ADGRG1: variants seen among roughly 807,000 people sequenced by gnomAD.
ADGRG1 encodes the protein 7-transmembrane protein with no EGF-like N-terminal domains-1.
In ADGRG1, 53 loss-of-function variants were observed where a neutral mutation model predicts 73.5. The ratio of observed to expected loss-of-function variants is 0.72; its 90% confidence interval spans 0.58 to 0.91. ADGRG1 has a LOEUF of 0.91. Ranked by LOEUF, ADGRG1 falls within the 40% of genes least tolerant of loss-of-function variation. The pLI, the probability that ADGRG1 is intolerant of heterozygous loss-of-function variation, is 0.00. For synonymous variants in ADGRG1, 394 were observed against 374.4 expected (o/e 1.05, Z -0.60); for missense variants, 795 against 871.8 (o/e 0.91, Z 1.11).
At chr16:57,655,697 A>G (rs2045540872) in intron 6 of ADGRG1, 167 bp downstream of exon 6, 1 of 985,242 alleles carries the variant, frequency 1.0e-6, no homozygotes, top group African/African-American at 1.7e-5. Flanking sequence ...GGGCTAAGCA[A>G]TGTTCTTCTT....
In ADGRG1 at chr16:57,663,433, G is replaced by A. The variant is rs200654268; in HGVS notation, c.1934-19G>A. On this transcript the variant is annotated intron_variant, in intron 13 of 13. Transcript: ENST00000562631. ...TGGGGCTCCCCCACCTGCTGACCCC[G>A]TGCCCTCACTGCCCGCAGGCTTCCT... 2,193 of 1,613,610 alleles carry A rather than the reference G, an allele frequency of 1.4e-3. 5 individuals are homozygous for A. Among genetic ancestry groups the A allele is most frequent in the Middle Eastern group, 2.6e-3 (16 of 6,038 alleles).
intron 1 of ADGRG1, among the ~76,000 whole-genome samples, chr16:57,644,536 C>T (rs1412463681): frequency 5.2e-5 from 7 of 135,044 alleles, no homozygotes; most frequent in Non-Finnish European, 9.3e-5. Flanking sequence ...CACACACATG[C>T]GCAGGCACAC....
At chr16:57,633,150 T>A (rs2038442133) in intron 1 of ADGRG1, 1 of 351,706 alleles carries the variant, frequency 2.8e-6, no homozygotes, top group East Asian at 1.7e-4. Context: ...TTTCCCTGCC[T>A]GTAAATGGAG....
Position 57,645,198 on chromosome 16 carries a change from G to C in ADGRG1, c.-35-5055G>C, listed in dbSNP as rs557881591. ...CCCAGCAGCCCACAGGAGAGCAGCT[G>C]CGGACGGGAGGGGAGCTAGGGCAGT... On this transcript the variant is annotated intron_variant, in intron 1 of 13. Transcript: ENST00000562631. 2.2e-5 allele frequency: 22 copies of C among 985,476 alleles called. No individual in the cohort carries two copies. In the African/African-American group the frequency reaches 3.3e-4, roughly 15 times the overall value. The allele number at this position is 985,476 out of a possible 1,614,324, so 61.0% of individuals were successfully genotyped here.
intron 1 of ADGRG1, chr16:57,635,220 G>A: frequency 1.0e-6 from 1 of 985,360 alleles, no homozygotes; most frequent in Non-Finnish European, 1.2e-6. Context: ...CTAGAGCCAT[G>A]GGCAGTGGGC....
At chr16:57,656,091 T>C in intron 7 of ADGRG1, 99 bp downstream of exon 7, 2 of 1,613,376 alleles carry the variant, frequency 1.2e-6, no homozygotes, top group Non-Finnish European at 1.7e-6. Flanking sequence ...AATGAAACGA[T>C]TGCCTGATCG....
At position 57,631,685 on chromosome 16, in the gene ADGRG1, TGGG is replaced by T. The variant is rs1220750442; in HGVS notation, c.-36+2887_-36+2889del. 8.7e-6 allele frequency: 8 copies of T among 916,946 alleles called. No homozygotes were observed. In the South Asian group the frequency reaches 2.6e-4, roughly 30 times the overall value. The allele number at this position is 916,946 out of a possible 1,614,324, so 56.8% of individuals were successfully genotyped here. A position where few individuals can be genotyped will look rare whatever the true frequency, so the allele number is the denominator to read the frequency against. On this transcript the variant is annotated intron_variant, in intron 1 of 13. Coordinates refer to ENST00000562631, the MANE Select transcript of ADGRG1 (RefSeq NM_201525.4). ...ACACAGCAACTGGGCAGATGGCAAATGGGGGGCGGGGCGGGCTGGCACAAAGGG... is the reference window on the plus strand; with the variant it reads ...ACACAGCAACTGGGCAGATGGCAAATGGGCGGGGCGGGCTGGCACAAAGGG...
chr16:57,632,312 C>T (rs751421348), intron 1 of ADGRG1: 17 of 985,408 alleles, frequency 1.7e-5, no homozygotes, highest in Non-Finnish European at 2.0e-5. Flanking sequence ...GTGGCTTGCC[C>T]AGGGAGAATC....
intron 1 of ADGRG1, chr16:57,644,971 G>C: frequency 1.5e-6 from 1 of 645,176 alleles, no homozygotes; most frequent in Non-Finnish European, 1.9e-6. Flanking sequence ...CTCATGCATG[G>C]GCACACACCC....
chr16:57,659,751 G>T, intron 11 of ADGRG1, 70 bp downstream of exon 11: 1 of 1,535,892 alleles, frequency 6.5e-7, no homozygotes, highest in Non-Finnish European at 9.0e-7. Context: ...CCAGGCACCT[G>T]GTTCTGCCTC....
chr16:57,660,255 G>A lies in ADGRG1; in HGVS notation c.1556-513G>A, dbSNP rs1305249508. 4.1e-6 allele frequency: 4 copies of A among 985,312 alleles called. No homozygotes were observed. The African/African-American group carries it at 5.2e-5, about 13-fold the overall frequency. The allele number at this position is 985,312 out of a possible 1,614,324, so 61.0% of individuals were successfully genotyped here. A position where few individuals can be genotyped will look rare whatever the true frequency, so the allele number is the denominator to read the frequency against. Reference sequence around the variant, plus strand: ...CCCTGACTCCAGCTTGCTGCTCTTCGCGGGTTTGTCATTGGGCCCCTTCTT... The same window carrying A: ...CCCTGACTCCAGCTTGCTGCTCTTCACGGGTTTGTCATTGGGCCCCTTCTT... On this transcript the variant is annotated intron_variant, in intron 11 of 13. Transcript: ENST00000562631.
At position 57,642,689 on chromosome 16, in the gene ADGRG1, C is replaced by T. The variant is rs1052691365; in HGVS notation, c.-35-7564C>T. The T allele has an allele frequency of 3.2e-5, 31 of 972,796 alleles. No homozygotes were observed. In the African/African-American group the frequency reaches 4.0e-4, roughly 13 times the overall value. The allele number at this position is 972,796 out of a possible 1,614,324, so 60.3% of individuals were successfully genotyped here. ...CCCTGAAAGTGCTTTGGCAAGTTAC[C>T]TCATGGTAAAGATGGGGAGACTGAG... On this transcript the variant is annotated intron_variant, in intron 1 of 13. Transcript: ENST00000562631.
upstream of ADGRG1, chr16:57,627,915 C>A: frequency 1.0e-6 from 1 of 967,092 alleles, no homozygotes; most frequent in Non-Finnish European, 1.2e-6. Flanking sequence ...CTGGGAATGG[C>A]TCTTCACCCA....
rs766495409 is a variant in ADGRG1 at position 57,655,020 on chromosome 16, A to G, written c.769-379A>G. 169 of 980,932 alleles carry G rather than the reference A, an allele frequency of 1.7e-4. 2 individuals are homozygous for G. The Middle Eastern group carries it at 3.1e-3, about 18-fold the overall frequency. 60.8% of individuals were successfully genotyped at this position (980,932 alleles called of 1,614,324 possible). A position where few individuals can be genotyped will look rare whatever the true frequency, so the allele number is the denominator to read the frequency against. On this transcript the variant is annotated intron_variant, in intron 5 of 13. Transcript: ENST00000562631. ...CAGGCGTGAGCCACTGCACCCAGCCACACACCCCATCTTGAGACTGCCCCC... is the reference window on the plus strand; with the variant it reads ...CAGGCGTGAGCCACTGCACCCAGCCGCACACCCCATCTTGAGACTGCCCCC...
intron 7 of ADGRG1, 45 bp from the exon 8 acceptor site, chr16:57,656,181 G>T: frequency 6.2e-7 from 1 of 1,613,696 alleles, no homozygotes; most frequent in Admixed American, 1.7e-5. Context: ...AGTTGGAGGG[G>T]TGGGGGGCTG....
rs1466312470 is a variant in ADGRG1 at position 57,664,600 on chromosome 16, C to T, written c.*1018C>T. 1 of 152,390 alleles carries T rather than the reference C, an allele frequency of 6.6e-6. No individual in the cohort carries two copies. Among genetic ancestry groups the T allele is most frequent in the Non-Finnish European group, 1.5e-5 (1 of 68,154 alleles). 9.4% of individuals were successfully genotyped at this position (152,390 alleles called of 1,614,324 possible). ...TGACACTGGCCTAGGGCCTGACACT[C>T]TCCTAAGAGGTTCTCTCCAAGCCCC... On this transcript the variant is annotated 3_prime_UTR_variant, in exon 14 of 14. Transcript: ENST00000562631.
chr16:57,662,197 T>C (rs1041181957), intron 13 of ADGRG1, among the ~76,000 whole-genome samples: 1 of 152,228 alleles, frequency 6.6e-6, no homozygotes, highest in Admixed American at 6.5e-5. Context: ...GTGTGGGCCT[T>C]GTTCTTTTGG....
chr16:57,646,389 C>G (rs1230022448), intron 1 of ADGRG1: 1 of 984,084 alleles, frequency 1.0e-6, no homozygotes, highest in East Asian at 1.1e-4. Context: ...TCAGCTCAGA[C>G]AAACCCTGGC....
intron 1 of ADGRG1, chr16:57,637,395 G>C (rs2039623104): frequency 2.0e-6 from 2 of 985,194 alleles, no homozygotes; most frequent in South Asian, 4.7e-5. Flanking sequence ...CTGTGCCTCT[G>C]TTTCTCCGGG....
Sources: allele counts gnomAD v4.1 joint callset (sites outside exome capture counted in the v4.1 genomes callset), GRCh38; gene constraint gnomAD v4.1.1; transcripts MANE v1.5; gene names NCBI Gene and HGNC (gene_info 2026-07-23, HGNC 2026-07-21).